The following INSL6 variants were observed in gnomAD, a reference collection of about 807,000 sequenced individuals.
The protein encoded by INSL6 is insulin-like peptide INSL6.
Under a neutral mutation model 9.4 loss-of-function variants are expected in INSL6, and 16 were observed. The observed-to-expected ratio is 1.70, with a 90% confidence interval of 1.15 to 2.59. The LOEUF is 2.59. INSL6 is among the 30% of genes most tolerant of loss of function. The pLI, the probability that INSL6 is intolerant of heterozygous loss-of-function variation, is 0.00. For synonymous variants in INSL6, 154 were observed against 96.9 expected (o/e 1.59, Z -3.46); for missense variants, 391 against 257.3 (o/e 1.52, Z -3.56).
chr9:5,173,580 A>C (rs1402478254), intron 1 of INSL6, among the ~76,000 whole-genome samples: 1 of 152,028 alleles, frequency 6.6e-6, no homozygotes, highest in East Asian at 1.9e-4. Flanking sequence ...GAACATGGGG[A>C]AGCAAAAAAC....
the INSL6 span, among the ~76,000 whole-genome samples, chr9:5,091,883 C>T: frequency 1.3e-5 from 2 of 151,998 alleles, no homozygotes; most frequent in African/African-American, 2.4e-5. Flanking sequence ...TAGTAAGAGA[C>T]CTAGGGTGGT....
chr9:5,070,186 T>A, the INSL6 span: 1 of 513,960 alleles, frequency 1.9e-6, no homozygotes, highest in Non-Finnish European at 3.2e-6. Context: ...ATTTTTCTTA[T>A]GAAAAATATG....
intron 1 of INSL6, among the ~76,000 whole-genome samples, chr9:5,175,517 CA>C (rs1318289494): frequency 6.6e-6 from 1 of 152,140 alleles, no homozygotes; most frequent in Non-Finnish European, 1.5e-5. Context: ...TGATCTAAAA[CA>C]GGGGGTCCCC....
At chr9:5,052,249 G>A in the INSL6 span, among the ~76,000 whole-genome samples, 16 of 152,192 alleles carry the variant, frequency 1.1e-4, no homozygotes, top group Middle Eastern at 3.4e-3. Flanking sequence ...GTAGATTGTA[G>A]TTTCTTCCAG....
At chr9:5,145,344 T>C (rs1824581628) in intron 2 of INSL6, among the ~76,000 whole-genome samples, 2 of 152,210 alleles carry the variant, frequency 1.3e-5, no homozygotes, top group South Asian at 2.1e-4. Flanking sequence ...TAAGACAGAC[T>C]TCCCTTTATA....
At chr9:5,068,348 C>T in the INSL6 span, among the ~76,000 whole-genome samples, 2 of 152,084 alleles carry the variant, frequency 1.3e-5, no homozygotes, top group Non-Finnish European at 2.9e-5. Flanking sequence ...TATTTAAAAA[C>T]TGCAAAATAT....
the INSL6 span, chr9:5,085,885 T>A: frequency 1.2e-6 from 1 of 807,210 alleles, no homozygotes; most frequent in Non-Finnish European, 2.2e-6. Flanking sequence ...GTTGTTGATA[T>A]GAGCGGTTCC....
the INSL6 span, chr9:5,085,619 C>T: frequency 1.4e-6 from 1 of 705,422 alleles, no homozygotes; most frequent in Non-Finnish European, 2.6e-6. Flanking sequence ...AAATCTCCAG[C>T]AAGGACAGCC....
At chr9:5,126,865 A>G (rs1334066104) in intron 3 of INSL6, 7 of 752,102 alleles carry the variant, frequency 9.3e-6, no homozygotes, top group Admixed American at 7.6e-5. Context: ...GCTGTGGACT[A>G]TTATTACATA....
At chr9:5,083,503 C>G in the INSL6 span, among the ~76,000 whole-genome samples, 1 of 152,142 alleles carries the variant, frequency 6.6e-6, no homozygotes, top group Non-Finnish European at 1.5e-5. Context: ...TTTCTGGGAA[C>G]TTATAGCATT....
chr9:5,004,363 A>G, the INSL6 span, among the ~76,000 whole-genome samples: 13 of 152,262 alleles, frequency 8.5e-5, no homozygotes, highest in South Asian at 2.1e-4. Flanking sequence ...TTTAGATTCT[A>G]TGGATCAGTG....
At chr9:5,159,536 A>G (rs971559362), downstream of INSL6, among the ~76,000 whole-genome samples, 2 of 152,202 alleles carry the variant, frequency 1.3e-5, no homozygotes, top group Non-Finnish European at 2.9e-5. Flanking sequence ...TTTCAAGACA[A>G]AAACTATAAA....
chr9:5,115,864 A>G, the INSL6 span, among the ~76,000 whole-genome samples: 2 of 152,194 alleles, frequency 1.3e-5, no homozygotes, highest in African/African-American at 2.4e-5. Context: ...CAATGACAAC[A>G]TATGGACACA....
chr9:5,155,477 T>TA lies in INSL6; in HGVS notation c.376+8701dup, dbSNP rs375686430. On this transcript the variant is annotated intron_variant, in intron 2 of 3. Coordinates refer to the INSL6 transcript ENST00000649639. ...GTACCCTAAAACTTAAAGTATAATT[T>TA]AAAAAAAAAACCTGGAGGTACCTAG... Among the ~76,000 whole-genome samples the TA allele has an allele frequency of 5.6e-3, 743 of 131,934 alleles. 8 individuals are homozygous for TA. The highest frequency in any genetic ancestry group is 0.019 in the African/African-American group (673 of 34,972). 86.6% of individuals were successfully genotyped at this position (131,934 alleles called of 152,430 possible). A position where few individuals can be genotyped will look rare whatever the true frequency, so the allele number is the denominator to read the frequency against.
chr9:5,066,651 T>C, the INSL6 span: 1 of 1,250,824 alleles, frequency 8.0e-7, no homozygotes, highest in Non-Finnish European at 1.2e-6. Context: ...TGATATATTA[T>C]TCAAATTGCT....
At chr9:5,153,400 C>A (rs956751623) in intron 2 of INSL6, among the ~76,000 whole-genome samples, 1 of 152,192 alleles carries the variant, frequency 6.6e-6, no homozygotes, top group Non-Finnish European at 1.5e-5. Context: ...TGGTTTCACC[C>A]TCACGGTGTA....
At chr9:5,055,832 C>G in the INSL6 span, 2 of 1,531,374 alleles carry the variant, frequency 1.3e-6, no homozygotes, top group Admixed American at 1.9e-5. Context: ...TTTTATAGTT[C>G]TCAGAAATGT....
the INSL6 span, chr9:5,112,134 G>T: frequency 3.2e-6 from 1 of 312,720 alleles, no homozygotes; most frequent in Non-Finnish European, 6.4e-6. Flanking sequence ...GCCACGCCAT[G>T]GGCACGGCTA....
intron 1 of INSL6, among the ~76,000 whole-genome samples, chr9:5,183,971 A>T (rs975202271): frequency 6.6e-6 from 1 of 152,200 alleles, no homozygotes; most frequent in South Asian, 2.1e-4. Flanking sequence ...TCACTGAACT[A>T]AAGTAAAAGT....
Sources: allele counts gnomAD v4.1 joint callset (sites outside exome capture counted in the v4.1 genomes callset), GRCh38; gene constraint gnomAD v4.1.1; transcripts MANE v1.5; gene names NCBI Gene and HGNC (gene_info 2026-07-23, HGNC 2026-07-21).